NUBPL: variants seen among roughly 807,000 people sequenced by gnomAD.
NUBPL encodes iron-sulfur cluster transfer protein NUBPL.
Under a neutral mutation model 45.7 loss-of-function variants are expected in NUBPL, and 31 were observed. The observed-to-expected ratio is 0.68, with a 90% CI of 0.51 to 0.92. The LOEUF is 0.92. Ranked by LOEUF, NUBPL falls within the 40% of genes least tolerant of loss-of-function variation. NUBPL has a pLI of 0.00. For synonymous variants in NUBPL, 144 were observed against 140.9 expected (o/e 1.02, Z -0.15); for missense variants, 401 against 398.7 (o/e 1.01, Z -0.05).
intron 6 of NUBPL, among the ~76,000 whole-genome samples, chr14:31,697,864 C>A (rs2037246837): frequency 6.6e-6 from 1 of 152,000 alleles, no homozygotes; most frequent in African/African-American, 2.4e-5. Context: ...AGTAGTGGCC[C>A]CTGTTGAACA....
chr14:31,672,838 A>G (rs896279374), intron 4 of NUBPL, among the ~76,000 whole-genome samples: 3 of 152,236 alleles, frequency 2.0e-5, no homozygotes, highest in Non-Finnish European at 2.9e-5. Context: ...TGGAAATAGT[A>G]TGCTTGGTAT....
intron 4 of NUBPL, among the ~76,000 whole-genome samples, chr14:31,664,147 T>TG (rs1351689872): frequency 1.3e-5 from 2 of 152,144 alleles, no homozygotes; most frequent in African/African-American, 2.4e-5. Context: ...ACTCAGACAA[T>TG]GGGGGTTTTT....
intron 7 of NUBPL, among the ~76,000 whole-genome samples, chr14:31,818,354 G>A (rs1011783573): frequency 7.9e-5 from 12 of 152,014 alleles, no homozygotes; most frequent in African/African-American, 2.7e-4. Flanking sequence ...CAGAATATAC[G>A]TTCTTCTTAG....
intron 6 of NUBPL, among the ~76,000 whole-genome samples, chr14:31,768,125 T>C (rs2038945954): frequency 6.6e-6 from 1 of 152,224 alleles, no homozygotes; most frequent in Non-Finnish European, 1.5e-5. Context: ...AACAAAGATG[T>C]ATTTTGGAGA....
At chr14:31,832,989 A>G (rs1009652454) in intron 8 of NUBPL, among the ~76,000 whole-genome samples, 2 of 152,230 alleles carry the variant, frequency 1.3e-5, no homozygotes, top group Non-Finnish European at 1.5e-5. Flanking sequence ...TCTTGTAATT[A>G]CTTTTTAGAA....
In NUBPL at chr14:31,740,205, A is replaced by G. The variant is rs191025382; in HGVS notation, c.514-47575A>G. Among the ~76,000 whole-genome samples, 3 of 152,296 alleles carry G rather than the reference A, an allele frequency of 2.0e-5. No individual in the cohort carries two copies. In the East Asian group the frequency reaches 5.8e-4, roughly 29 times the overall value. On this transcript the variant is annotated intron_variant, in intron 6 of 10. Transcript: ENST00000281081. ...GATTACTGGATCATATGGTAAGAGT[A>G]TGTTTAATTTTGTAAGAAACCGCCT...
chr14:31,814,991 T>G (rs1357326389), intron 7 of NUBPL, among the ~76,000 whole-genome samples: 1 of 152,212 alleles, frequency 6.6e-6, no homozygotes, highest in Non-Finnish European at 1.5e-5. Context: ...GCTTTGTTCT[T>G]TTCGCTTAGG....
At chr14:31,561,830 A>C in intron 1 of NUBPL, 2 of 599,410 alleles carry the variant, frequency 3.3e-6, no homozygotes, top group Non-Finnish European at 5.8e-6. Flanking sequence ...CTCCGTAAAG[A>C]GGCAGCGTTT....
At chr14:31,670,387 T>TCAA (rs1213352929) in intron 4 of NUBPL, among the ~76,000 whole-genome samples, 2 of 152,216 alleles carry the variant, frequency 1.3e-5, no homozygotes, top group Admixed American at 1.3e-4. Flanking sequence ...TTGTCAGATG[T>TCAA]ATGGTTTACA....
rs763528861 is a variant in NUBPL, at chr14:31,729,680, CTG to C, written c.513+56108_513+56109del. ...TTTCTTGTATTCAGCCATCTTAACA[CTG>C]TTATTTATTCTAATATTAAGTTGGT... On this transcript the variant is annotated intron_variant, in intron 6 of 10. Transcript: ENST00000281081. Among the ~76,000 whole-genome samples, 17 of 152,032 alleles carry C rather than the reference CTG, an allele frequency of 1.1e-4. No individual in the cohort carries two copies. In the East Asian group the frequency reaches 2.5e-3, roughly 22 times the overall value.
At chr14:31,665,657 G>T (rs1387523327) in intron 4 of NUBPL, among the ~76,000 whole-genome samples, 1 of 152,170 alleles carries the variant, frequency 6.6e-6, no homozygotes, top group Non-Finnish European at 1.5e-5. Context: ...CAATTATGTG[G>T]TCAGTTTTAG....
intron 6 of NUBPL, among the ~76,000 whole-genome samples, chr14:31,772,806 C>T (rs902374061): frequency 2.6e-5 from 4 of 152,082 alleles, no homozygotes; most frequent in East Asian, 3.8e-4. Flanking sequence ...AAATTGTCTG[C>T]TGTTACTTTT....
In NUBPL at chr14:31,818,612, G is replaced by C. The variant is rs535597700; in HGVS notation, c.608-8017G>C. On this transcript the variant is annotated intron_variant, in intron 7 of 10. Transcript: ENST00000281081. ...CCCAGGCTGGACTGCAGTTCACTGC[G>C]ATCTCGGCTTACTGCAAGCTCCGCC... 3.1e-4 allele frequency among the ~76,000 whole-genome samples: 47 copies of C among 152,202 alleles called. No homozygotes were observed. In the East Asian group the frequency reaches 8.7e-3, roughly 28 times the overall value.
intron 7 of NUBPL, among the ~76,000 whole-genome samples, chr14:31,821,293 C>A (rs1259659421): frequency 1.2e-4 from 19 of 152,036 alleles, no homozygotes; most frequent in Admixed American, 1.2e-3. Flanking sequence ...ACTCAACTGA[C>A]AAAGGATTTA....
intron 10 of NUBPL, among the ~76,000 whole-genome samples, chr14:31,852,478 C>G (rs907481222): frequency 6.6e-6 from 1 of 152,166 alleles, no homozygotes; most frequent in African/African-American, 2.4e-5. Flanking sequence ...TGAGATCAAC[C>G]TGGCCAACAT....
intron 6 of NUBPL, among the ~76,000 whole-genome samples, chr14:31,739,563 A>G (rs558505280): frequency 4.0e-4 from 61 of 152,226 alleles, no homozygotes; most frequent in African/African-American, 1.2e-3. Context: ...CAGATTGTCT[A>G]TATATCCCAT....
chr14:31,654,099 TC>T (rs773096928), intron 4 of NUBPL: 5 of 454,774 alleles, frequency 1.1e-5, no homozygotes, highest in African/African-American at 6.0e-5. Flanking sequence ...CAGGTCTTGT[TC>T]CAGACCACCA....
At chr14:31,740,184 A>G (rs2038252758) in intron 6 of NUBPL, among the ~76,000 whole-genome samples, 1 of 152,218 alleles carries the variant, frequency 6.6e-6, no homozygotes, top group South Asian at 2.1e-4. Context: ...AAACATGATT[A>G]CTGGATCATA....
chr14:31,675,306 C>T (rs186738219), intron 6 of NUBPL, among the ~76,000 whole-genome samples: 2 of 152,268 alleles, frequency 1.3e-5, no homozygotes, highest in East Asian at 3.9e-4. Flanking sequence ...TTCGTGAAGT[C>T]ACTTTCATGT....
Sources: allele counts gnomAD v4.1 joint callset (sites outside exome capture counted in the v4.1 genomes callset), GRCh38; gene constraint gnomAD v4.1.1; transcripts MANE v1.5; gene names NCBI Gene and HGNC (gene_info 2026-07-23, HGNC 2026-07-21).